The following ADGB variants were observed in gnomAD, a reference collection of about 807,000 sequenced individuals.
The protein encoded by ADGB is androglobin.
ADGB carries 172 observed loss-of-function variants against 210.5 expected under a neutral mutation model. That is an observed-to-expected ratio of 0.82 (90% CI 0.72 to 0.93). The LOEUF is 0.93. Ranked by LOEUF, ADGB falls within the 40% of genes least tolerant of loss-of-function variation. The pLI is 0.00. For missense variants in ADGB, 2,025 were observed against 1,964.8 expected (o/e 1.03, Z -0.58); for synonymous variants, 658 against 662.7 (o/e 0.99, Z 0.11).
At chr6:146,631,963 T>TAA (rs60684925) in intron 1 of ADGB, among the ~76,000 whole-genome samples, 33 of 143,084 alleles carry the variant, frequency 2.3e-4, no homozygotes, top group Admixed American at 5.6e-4. Flanking sequence ...ATCTCCTCAT[T>TAA]AAAAAAAAAA....
At position 146,733,225 on chromosome 6, in the gene ADGB, CT is replaced by C; in HGVS notation, c.2627del (p.Leu876ProfsTer10). 2.6e-6 allele frequency: 4 copies of C among 1,537,904 alleles called. No homozygotes were observed. The highest frequency in any genetic ancestry group is 3.5e-6 in the Non-Finnish European group (4 of 1,139,876). On this transcript the variant is annotated frameshift_variant, in exon 21 of 36. Transcript: ENST00000397944. LOFTEE classifies it high-confidence loss of function. ...GGCTATGGTTTTGGACTTGGAGTTA[CT>C]CAATTCCTCCTTGGAAGAGGTTTCT... ...FRAMVLDLEL[L>X]NSSLEEVSLV...
At chr6:146,602,795 G>A (rs759193082) in intron 1 of ADGB, among the ~76,000 whole-genome samples, 2 of 152,190 alleles carry the variant, frequency 1.3e-5, no homozygotes, top group East Asian at 1.9e-4. Context: ...TAGCAGAGGC[G>A]TTAAATTCTC....
chr6:146,607,555 G>C (rs1049196535), intron 1 of ADGB, among the ~76,000 whole-genome samples: 10 of 152,010 alleles, frequency 6.6e-5, no homozygotes, highest in African/African-American at 2.4e-4. Flanking sequence ...TTATTATTTT[G>C]ATGTATGTTC....
chr6:146,715,284 A>G, intron 13 of ADGB, 98 bp from the exon 14 acceptor site: 1 of 1,076,312 alleles, frequency 9.3e-7, no homozygotes, highest in Non-Finnish European at 1.3e-6. Context: ...TATTTCTTCA[A>G]AGTTTAAAAA....
intron 29 of ADGB, among the ~76,000 whole-genome samples, chr6:146,777,478 A>T (rs1380687555): frequency 1.3e-5 from 2 of 152,202 alleles, no homozygotes; most frequent in Non-Finnish European, 2.9e-5. Context: ...CTCTTCTAAA[A>T]GTAAACCAGT....
Position 146,733,274 on chromosome 6 carries a change from T to C in ADGB, c.2656+19T>C. ...TCTTTAGGTACCCATGAATTGTATA[T>C]ATTTAATCAAGGAATTCCTAGTTTT... On this transcript the variant is annotated intron_variant, in intron 21 of 35. Coordinates refer to ENST00000397944, the MANE Select transcript of ADGB (RefSeq NM_024694.4). 2 of 1,470,070 alleles carry C rather than the reference T, an allele frequency of 1.4e-6. No homozygotes were observed. Among genetic ancestry groups the C allele is most frequent in the Non-Finnish European group, 1.8e-6 (2 of 1,106,934 alleles). The allele number at this position is 1,470,070 out of a possible 1,614,324, so 91.1% of individuals were successfully genotyped here. A position where few individuals can be genotyped will look rare whatever the true frequency, so the allele number is the denominator to read the frequency against.
intron 5 of ADGB, among the ~76,000 whole-genome samples, chr6:146,657,908 G>A (rs1299870819): frequency 6.6e-6 from 1 of 152,124 alleles, no homozygotes; most frequent in East Asian, 1.9e-4. Context: ...TATAAATATG[G>A]CAAAGCAGAC....
chr6:146,697,516 C>T (rs1354992174), intron 12 of ADGB, among the ~76,000 whole-genome samples: 1 of 151,992 alleles, frequency 6.6e-6, no homozygotes, highest in African/African-American at 2.4e-5. Flanking sequence ...AGACCCAGAA[C>T]TCAATAGATG....
At chr6:146,811,472 AGT>A (rs1240308064) in intron 35 of ADGB, among the ~76,000 whole-genome samples, 1 of 151,840 alleles carries the variant, frequency 6.6e-6, no homozygotes, top group Non-Finnish European at 1.5e-5. Context: ...ATATTCAGGT[AGT>A]GTGTGTAAAT....
chr6:146,628,753 G>A (rs572823854), intron 1 of ADGB, among the ~76,000 whole-genome samples: 13 of 151,874 alleles, frequency 8.6e-5, no homozygotes, highest in East Asian at 3.9e-4. Context: ...GCTATTTTCC[G>A]TAAGAAGTTT....
At chr6:146,724,488 A>T in intron 18 of ADGB, 161 bp downstream of exon 18, 1 of 634,708 alleles carries the variant, frequency 1.6e-6, no homozygotes, top group South Asian at 3.6e-5. Context: ...AAATATTTCC[A>T]AAAAACTACA....
At chr6:146,777,269 A>G (rs1032622057) in intron 29 of ADGB, among the ~76,000 whole-genome samples, 1 of 152,140 alleles carries the variant, frequency 6.6e-6, no homozygotes, top group Non-Finnish European at 1.5e-5. Context: ...AGTAAATTAT[A>G]TAACTTCTCT....
At chr6:146,756,525 T>G (rs1239900600) in intron 27 of ADGB, among the ~76,000 whole-genome samples, 1 of 152,118 alleles carries the variant, frequency 6.6e-6, no homozygotes, top group African/African-American at 2.4e-5. Context: ...AAATATTACA[T>G]ATACATACCT....
At chr6:146,620,932 G>A (rs1780881799) in intron 1 of ADGB, among the ~76,000 whole-genome samples, 1 of 152,074 alleles carries the variant, frequency 6.6e-6, no homozygotes, top group East Asian at 1.9e-4. Flanking sequence ...TTCTTTGGTG[G>A]TTTTAGACTT....
intron 29 of ADGB, among the ~76,000 whole-genome samples, chr6:146,774,129 A>G (rs1054036332): frequency 3.3e-5 from 5 of 152,222 alleles, no homozygotes; most frequent in Non-Finnish European, 7.3e-5. Context: ...ATATTACTTT[A>G]GTGAACACAA....
intron 27 of ADGB, among the ~76,000 whole-genome samples, chr6:146,752,949 G>A (rs1777345467): frequency 6.6e-6 from 1 of 151,742 alleles, no homozygotes; most frequent in African/African-American, 2.4e-5. Context: ...TATTATATGA[G>A]CCTTCTTAAT....
At chr6:146,766,102 G>T (rs1313813261) in intron 28 of ADGB, among the ~76,000 whole-genome samples, 1 of 152,076 alleles carries the variant, frequency 6.6e-6, no homozygotes, top group Non-Finnish European at 1.5e-5. Flanking sequence ...CTCTGTGCCA[G>T]CAAATTTAAA....
At chr6:146,719,281 A>T (rs1034596221) in intron 16 of ADGB, among the ~76,000 whole-genome samples, 1 of 152,246 alleles carries the variant, frequency 6.6e-6, no homozygotes, top group Non-Finnish European at 1.5e-5. Context: ...TTTGGTACAC[A>T]TAACCACCCT....
At chr6:146,723,629 C>A (rs888171176) in intron 17 of ADGB, among the ~76,000 whole-genome samples, 2 of 152,000 alleles carry the variant, frequency 1.3e-5, no homozygotes, top group African/African-American at 4.8e-5. Context: ...CCCCGGTACT[C>A]CAGAGACTGA....
Sources: gnomAD v4.1 joint callset for allele counts (sites outside exome capture counted in the v4.1 genomes callset) on GRCh38, gnomAD v4.1.1 for gene constraint, MANE v1.5 for transcripts, NCBI Gene and HGNC (gene_info 2026-07-23, HGNC 2026-07-21) for gene names.